IDO2: variants seen among roughly 807,000 people sequenced by gnomAD.
IDO2 encodes indoleamine 2,3-dioxygenase-like 1 protein.
A neutral mutation model predicts 45.1 loss-of-function variants in IDO2; 46 were observed. The ratio of observed to expected loss-of-function variants is 1.02; its 90% confidence interval spans 0.80 to 1.30. The LOEUF (loss-of-function observed/expected upper bound fraction) is 1.30, where lower values mean the gene tolerates loss of function less well. Among genes scored for constraint, IDO2 ranks in the 50% most tolerant of loss-of-function variants. The pLI is 0.00. For synonymous variants in IDO2, 218 were observed against 184.9 expected, an observed-to-expected ratio of 1.18 and a Z score of -1.45; for missense variants, 544 against 491.8, an observed-to-expected ratio of 1.11 and a Z score of -1.00.
chr8:40,015,398 G>A lies in IDO2; in HGVS notation c.1020G>A (p.Leu340=), dbSNP rs748247079. ...CTTATAACCAGTGTGTGCAGGCCCT[G>A]GCAGAGCTGCGGAGCTATCACATCA... is the stretch of plus-strand genomic sequence containing the variant. Residue 340 remains leucine (L), a synonymous_variant, in exon 11 of 11, where the codon CTG becomes CTA. Transcript: ENST00000502986. The A allele has an allele frequency of 3.1e-6, 5 of 1,613,780 alleles. No homozygotes were observed. In the African/African-American group the frequency reaches 6.7e-5, roughly 22 times the overall value.
chr8:39,979,997 A>C (rs899503248), intron 4 of IDO2, among the ~76,000 whole-genome samples: 1 of 151,868 alleles, frequency 6.6e-6, no homozygotes, highest in Non-Finnish European at 1.5e-5. Context: ...AATGTTAAAA[A>C]TTTTTTGTAG....
chr8:40,003,043 T>C (rs1802163727), intron 8 of IDO2, among the ~76,000 whole-genome samples: 1 of 152,170 alleles, frequency 6.6e-6, no homozygotes, highest in Non-Finnish European at 1.5e-5. Context: ...GACAGAGAAC[T>C]CTTCTCTTCA....
At chr8:39,938,859 A>G (rs1393564914) in intron 1 of IDO2, among the ~76,000 whole-genome samples, 2 of 152,340 alleles carry the variant, frequency 1.3e-5, no homozygotes, top group Middle Eastern at 3.4e-3. Flanking sequence ...CCATTAGGAA[A>G]TTGCAAATTA....
chr8:39,957,042 CA>C (rs56064306), intron 2 of IDO2, among the ~76,000 whole-genome samples: 953 of 31,228 alleles, frequency 0.031, 3 homozygotes, highest in South Asian at 0.07. Flanking sequence ...GACTCCATCT[CA>C]AAAAAAAAAA....
rs538534102 is a variant in IDO2, at chr8:39,937,926, G to C, written c.-18+2708G>C. Among the ~76,000 whole-genome samples, 4 of 152,278 alleles carry C rather than the reference G, an allele frequency of 2.6e-5. No homozygotes were observed. In the South Asian group the frequency reaches 8.3e-4, roughly 32 times the overall value. On this transcript the variant is annotated intron_variant, in intron 1 of 10. Transcript: ENST00000502986. ...GATAATCAACATAACATTGCTTGTAGACCATGCAAACAATCTTATTGCATT... is the reference window on the plus strand; with the variant it reads ...GATAATCAACATAACATTGCTTGTACACCATGCAAACAATCTTATTGCATT...
In IDO2 at chr8:40,006,018, A is replaced by G. The variant is rs1462699064; in HGVS notation, c.719+640A>G. Among the ~76,000 whole-genome samples, 3 of 152,112 alleles carry G rather than the reference A, an allele frequency of 2.0e-5. 1 individual carries two copies. The highest frequency in any genetic ancestry group is 2.4e-5 in the African/African-American group (1 of 41,410). On this transcript the variant is annotated intron_variant, in intron 9 of 10. Transcript: ENST00000502986. ...CTTGTCCCTTCCACTATGTGAGGAC[A>G]CGGGAGTTGAGGCATTACCTTGGAC...
chr8:40,012,745 G>C (rs1246915976), intron 9 of IDO2, among the ~76,000 whole-genome samples: 2 of 152,088 alleles, frequency 1.3e-5, no homozygotes, highest in Non-Finnish European at 2.9e-5. Flanking sequence ...AGGTGGGGAG[G>C]AGAGGAGAAG....
intron 2 of IDO2, among the ~76,000 whole-genome samples, chr8:39,950,997 C>G (rs1807805999): frequency 6.8e-6 from 1 of 147,270 alleles, no homozygotes; most frequent in Non-Finnish European, 1.5e-5. Context: ...CACTGCACTC[C>G]AGCCTGGGCA....
intron 6 of IDO2, 42 bp downstream of exon 6, chr8:39,985,564 C>A: frequency 6.6e-7 from 1 of 1,508,544 alleles, no homozygotes; most frequent in South Asian, 1.2e-5. Context: ...GAATCCAGGC[C>A]AAATTTAAAA....
At chr8:39,997,552 G>C (rs1409321972) in intron 8 of IDO2, among the ~76,000 whole-genome samples, 1 of 152,016 alleles carries the variant, frequency 6.6e-6, no homozygotes, top group Non-Finnish European at 1.5e-5. Flanking sequence ...AGCGCCTGTG[G>C]TTCCAGCTAC....
At chr8:39,985,298 C>T (rs1808407255) in intron 5 of IDO2, 1 of 583,522 alleles carries the variant, frequency 1.7e-6, no homozygotes, top group African/African-American at 1.9e-5. Flanking sequence ...TGTCGCTCAC[C>T]CTTTATCACA....
At chr8:39,992,119 A>G (rs559639634) in intron 8 of IDO2, among the ~76,000 whole-genome samples, 3 of 152,346 alleles carry the variant, frequency 2.0e-5, no homozygotes, top group African/African-American at 7.2e-5. Flanking sequence ...GCTCCTCCAC[A>G]GCGTGGCCTG....
At chr8:39,969,720 C>T (rs1328729508) in intron 3 of IDO2, among the ~76,000 whole-genome samples, 2 of 152,034 alleles carry the variant, frequency 1.3e-5, no homozygotes, top group African/African-American at 2.4e-5. Context: ...ACTAAAAATG[C>T]AAAAATTAGC....
At chr8:39,942,166 C>T (rs2129593021) in intron 1 of IDO2, among the ~76,000 whole-genome samples, 1 of 152,248 alleles carries the variant, frequency 6.6e-6, no homozygotes, top group Admixed American at 6.5e-5. Flanking sequence ...ATAACATTCC[C>T]TGTTATATGG....
At position 39,986,716 on chromosome 8, in the gene IDO2, A is replaced by G. The variant is rs959892425; in HGVS notation, c.450-1155A>G. On this transcript the variant is annotated intron_variant, in intron 6 of 10. Transcript: ENST00000502986. ...TAGATAGATAGATAGATAGATAGAT[A>G]GACGGAATTTGGCCCTGTGTTCCCA... is the stretch of plus-strand genomic sequence containing the variant. Among the ~76,000 whole-genome samples the G allele has an allele frequency of 2.0e-5, 3 of 150,436 alleles. No individual in the cohort carries two copies. The South Asian group carries it at 6.3e-4, about 32-fold the overall frequency.
At chr8:39,939,546 C>CAAAAAAAAAAA (rs55892879) in intron 1 of IDO2, among the ~76,000 whole-genome samples, 1 of 71,268 alleles carries the variant, frequency 1.4e-5, no homozygotes, top group Non-Finnish European at 2.4e-5. Context: ...GACTCTGTCT[C>CAAAAAAAAAAA]AAAAAAAAAA....
intron 3 of IDO2, among the ~76,000 whole-genome samples, chr8:39,967,931 T>G (rs1808115392): frequency 6.6e-6 from 1 of 152,198 alleles, no homozygotes; most frequent in African/African-American, 2.4e-5. Flanking sequence ...GAAAACTAGC[T>G]TGGCAGATTC....
intron 3 of IDO2, among the ~76,000 whole-genome samples, chr8:39,966,003 A>G (rs1808078907): frequency 6.6e-6 from 1 of 150,880 alleles, no homozygotes; most frequent in African/African-American, 2.4e-5. Context: ...AAACTAACAC[A>G]ACACTCTTGG....
At chr8:39,967,075 T>C (rs949061146) in intron 3 of IDO2, among the ~76,000 whole-genome samples, 4 of 152,132 alleles carry the variant, frequency 2.6e-5, no homozygotes, top group African/African-American at 9.7e-5. Flanking sequence ...AGTAAAACAT[T>C]GATTGCAAAA....
Sources: allele counts gnomAD v4.1 joint callset (sites outside exome capture counted in the v4.1 genomes callset), GRCh38; gene constraint gnomAD v4.1.1; transcripts MANE v1.5; gene names NCBI Gene and HGNC (gene_info 2026-07-23, HGNC 2026-07-21).